AR: variants seen among roughly 807,000 people sequenced by gnomAD.
AR encodes the protein androgen receptor.
A neutral mutation model predicts 53.9 loss-of-function variants in AR; 8 were observed. The observed-to-expected ratio is 0.15, with a 90% CI of 0.09 to 0.27. The LOEUF is 0.27. AR is among the 10% of genes least tolerant of loss of function. AR has a pLI of 1.00. For synonymous variants in AR, 359 were observed against 316.4 expected (o/e 1.13, Z -1.43); for missense variants, 639 against 742.5 (o/e 0.86, Z 1.62).
chrX:67,708,778 A>C (rs2076080259), intron 3 of AR, among the ~76,000 whole-genome samples: 1 of 110,891 alleles, frequency 9.0e-6, no homozygotes, highest in Non-Finnish European at 1.9e-5. Context: ...GGTTTTATCT[A>C]CCTTTGGTCT....
At chrX:67,680,576 TA>T (rs1321753699) in intron 2 of AR, 3 of 274,718 alleles carry the variant, frequency 1.1e-5, no homozygotes, top group Middle Eastern at 1.3e-3. Context: ...ACACCATATA[TA>T]TAAAGTGTGA....
At chrX:67,585,258 C>CAA (rs35044641) in intron 1 of AR, among the ~76,000 whole-genome samples, 47 of 63,718 alleles carry the variant, frequency 7.4e-4, no homozygotes, top group African/African-American at 3.0e-3. Flanking sequence ...GTGAGACTGT[C>CAA]AAAAAAAAAA....
At chrX:67,723,356 G>GTGTC (rs1262377157) in intron 7 of AR, among the ~76,000 whole-genome samples, 7 of 95,440 alleles carry the variant, frequency 7.3e-5, no homozygotes, top group African/African-American at 2.5e-4. Context: ...GTGTGTGTCA[G>GTGTC]AGAGAGAGAG....
intron 1 of AR, among the ~76,000 whole-genome samples, chrX:67,609,523 A>G (rs755436563): frequency 4.5e-5 from 5 of 110,896 alleles, no homozygotes; most frequent in Non-Finnish European, 9.5e-5. Context: ...TCTAGATTTT[A>G]TTTTTATTTA....
At chrX:67,585,754 AGTG>A (rs1922512007) in intron 1 of AR, among the ~76,000 whole-genome samples, 1 of 112,177 alleles carries the variant, frequency 8.9e-6, no homozygotes, top group African/African-American at 3.2e-5. Context: ...GGATCATGGC[AGTG>A]CATGGACAGT....
chrX:67,641,865 T>TG (rs1925788690), intron 1 of AR, among the ~76,000 whole-genome samples: 2 of 107,278 alleles, frequency 1.9e-5, no homozygotes. Flanking sequence ...TTCATGTTTT[T>TG]TTTTTTTCTT....
chrX:67,632,282 A>G (rs1448995672), intron 1 of AR, among the ~76,000 whole-genome samples: 1 of 113,309 alleles, frequency 8.8e-6, no homozygotes, highest in African/African-American at 3.2e-5. Context: ...TGTGCTAGCA[A>G]TAAGCAAGAC....
At chrX:67,653,942 T>A (rs1926470195) in intron 2 of AR, among the ~76,000 whole-genome samples, 2 of 111,448 alleles carry the variant, frequency 1.8e-5, no homozygotes, top group Admixed American at 9.6e-5. Context: ...AATAAAAAAA[T>A]TAAAATAAAA....
At chrX:67,663,145 G>T (rs202004826) in intron 2 of AR, among the ~76,000 whole-genome samples, 7 of 111,486 alleles carry the variant, frequency 6.3e-5, no homozygotes, top group African/African-American at 2.0e-4. Context: ...ATATTGTTAT[G>T]TGTGAATTTG....
At chrX:67,604,444 T>C (rs1478101353) in intron 1 of AR, among the ~76,000 whole-genome samples, 1 of 110,777 alleles carries the variant, frequency 9.0e-6, no homozygotes, top group African/African-American at 3.3e-5. Flanking sequence ...AAGGTTACTT[T>C]TGGGGTTCAT....
rs2147497648 is a variant in AR, at chrX:67,686,047, C to T, written c.1806C>T (p.Cys602=). ...QKYLCASRND[C]TIDKFRRKNC... The stretch of plus-strand genomic sequence containing the variant: ...ACCTGTGCGCCAGCAGAAATGATTG[C>T]ACTATTGATAAATTCCGAAGGAAAA... Residue 602 remains cysteine (C), a synonymous_variant, in exon 3 of 8, where the codon TGC becomes TGT. Transcript: ENST00000374690. 1 of 1,210,368 alleles carries T rather than the reference C, an allele frequency of 8.3e-7. No homozygotes were observed.
At chrX:67,599,561 C>T (rs1188448471) in intron 1 of AR, among the ~76,000 whole-genome samples, 4 of 111,788 alleles carry the variant, frequency 3.6e-5, no homozygotes, top group Non-Finnish European at 7.5e-5. Context: ...TGAACCTGCA[C>T]CTTTCTTCTG....
chrX:67,546,511 TGGTGGC>T lies in AR; in HGVS notation c.1368_1373del (p.Gly472_Gly473del), dbSNP rs1555969926. On this transcript the variant is annotated inframe_deletion, in exon 1 of 8. Coordinates refer to ENST00000374690, the MANE Select transcript of AR (RefSeq NM_000044.6). ...ATGGACCGTGTGGTGGTGGTGGGGG[TGGTGGC>T]GGCGGCGGCGGCGGCGGCGGCGGCG... The T allele has an allele frequency of 2.0e-6, 1 of 511,603 alleles. No individual in the cohort carries two copies. Among genetic ancestry groups the T allele is most frequent in the African/African-American group, 3.9e-5 (1 of 25,346 alleles). 42.2% of individuals were successfully genotyped at this position (511,603 alleles called of 1,213,427 possible).
rs865948546 is a variant in AR, at chrX:67,545,567, G to A, written c.421G>A (p.Ala141Thr). The change falls in exon 1 of 8, where the codon GCC becomes ACC. Residue 141 changes from alanine to threonine, a missense_variant. Ala to Thr is a moderately conservative substitution (Grantham distance 58). This residue lies in a region of AR where 423 missense variants were observed against 377.0 expected (regional missense o/e 1.12). Transcript: ENST00000374690. The part of the protein sequence containing the change: ...CVPEPGAAVA[A>T]SKGLPQQLPA... ...CCCAGAGCCTGGAGCCGCCGTGGCCGCCAGCAAGGGGCTGCCGCAGCAGCT... is the reference window on the plus strand; with the variant it reads ...CCCAGAGCCTGGAGCCGCCGTGGCCACCAGCAAGGGGCTGCCGCAGCAGCT... The A allele has an allele frequency of 2.5e-6, 3 of 1,182,638 alleles. No homozygotes were observed. The Admixed American group carries it at 7.2e-5, about 28-fold the overall frequency.
At chrX:67,698,076 G>A (rs1383184371) in intron 3 of AR, among the ~76,000 whole-genome samples, 1 of 111,940 alleles carries the variant, frequency 8.9e-6, no homozygotes, top group East Asian at 2.8e-4. Flanking sequence ...AAGTCACACA[G>A]CTAGTCAGTG....
intron 3 of AR, among the ~76,000 whole-genome samples, chrX:67,690,546 T>C (rs1322756759): frequency 8.9e-6 from 1 of 112,140 alleles, no homozygotes; most frequent in Non-Finnish European, 1.9e-5. Flanking sequence ...TATTCATCCA[T>C]GTATCTATCC....
chrX:67,552,450 T>A lies in AR; in HGVS notation c.1616+5688T>A, dbSNP rs776947133. ...GATGAGCATTACGGTTGTTTCCACC[T>A]TTTGGCTATTATGAATAATACTGCT... On this transcript the variant is annotated intron_variant, in intron 1 of 7. Transcript: ENST00000374690. Among the ~76,000 whole-genome samples, 28 of 112,678 alleles carry A rather than the reference T, an allele frequency of 2.5e-4. No homozygotes were observed. In the East Asian group the frequency reaches 7.8e-3, roughly 31 times the overall value.
chrX:67,576,802 G>C, intron 1 of AR, among the ~76,000 whole-genome samples: 1 of 110,382 alleles, frequency 9.1e-6, no homozygotes, highest in East Asian at 2.9e-4. Flanking sequence ...CTTTTATGTG[G>C]TTATCTCCTC....
intron 1 of AR, among the ~76,000 whole-genome samples, chrX:67,604,100 A>G (rs1464524698): frequency 9.1e-6 from 1 of 110,397 alleles, no homozygotes; most frequent in Admixed American, 9.7e-5. Context: ...AGCAATAGTC[A>G]GAGGAAAGAA....
Sources: allele counts gnomAD v4.1 joint callset (sites outside exome capture counted in the v4.1 genomes callset), GRCh38; gene constraint gnomAD v4.1.1; regional missense constraint gnomAD v4.1.1; transcripts MANE v1.5; gene names NCBI Gene and HGNC (gene_info 2026-07-23, HGNC 2026-07-21).